Variants in AAGAB observed in about 807,000 individuals in gnomAD.
The protein encoded by AAGAB is alpha and gamma adaptin binding protein, also known as alpha- and gamma-adaptin-binding protein p34.
In AAGAB, 38 loss-of-function variants were observed where a neutral mutation model predicts 44.1. The ratio of observed to expected loss-of-function variants is 0.86; its 90% CI spans 0.67 to 1.13. The LOEUF (loss-of-function observed/expected upper bound fraction) is 1.13. AAGAB is among the 50% of genes most tolerant of loss of function. AAGAB has a pLI of 0.00. For synonymous variants in AAGAB, 131 were observed against 131.8 expected (o/e 0.99, Z 0.04); for missense variants, 450 against 373.8 (o/e 1.20, Z -1.68).
In AAGAB at chr15:67,211,330, G is replaced by GC. The variant is rs544963245; in HGVS notation, c.536-1787dup. On this transcript the variant is annotated intron_variant, in intron 5 of 9. Coordinates refer to ENST00000261880, the MANE Select transcript of AAGAB (RefSeq NM_024666.5). ...TCAGAGGTTCATGTGTACTCCTGGAGCCCCCCTTATCTCCTCATCCAAAGG... is the reference window on the plus strand; with the variant it reads ...TCAGAGGTTCATGTGTACTCCTGGAGCCCCCCCTTATCTCCTCATCCAAAGG... Among the ~76,000 whole-genome samples, 59 of 152,198 alleles carry GC rather than the reference G, an allele frequency of 3.9e-4. 1 individual carries two copies. In the East Asian group the frequency reaches 0.011, roughly 28 times the overall value.
intron 1 of AAGAB, among the ~76,000 whole-genome samples, chr15:67,251,590 G>C (rs916820267): frequency 2.6e-5 from 4 of 152,028 alleles, no homozygotes; most frequent in African/African-American, 9.7e-5. Context: ...CTGTTACTTG[G>C]TTATATTTCC....
At chr15:67,211,678 T>G (rs1015755598) in intron 5 of AAGAB, among the ~76,000 whole-genome samples, 3 of 152,208 alleles carry the variant, frequency 2.0e-5, no homozygotes, top group Non-Finnish European at 4.4e-5. Context: ...GAGCCCTCAC[T>G]TCTATTACTG....
intron 1 of AAGAB, among the ~76,000 whole-genome samples, chr15:67,250,946 G>A (rs574592956): frequency 2.0e-5 from 3 of 152,266 alleles, no homozygotes; most frequent in Admixed American, 6.5e-5. Flanking sequence ...AGAATGGCGC[G>A]AGCCCAGGAG....
At chr15:67,211,252 T>A (rs1963812683) in intron 5 of AAGAB, among the ~76,000 whole-genome samples, 1 of 152,214 alleles carries the variant, frequency 6.6e-6, no homozygotes, top group Non-Finnish European at 1.5e-5. Flanking sequence ...ACTAAGAGGC[T>A]GCTGCTGCCC....
At chr15:67,247,267 G>C (rs564656775) in intron 1 of AAGAB, among the ~76,000 whole-genome samples, 1 of 152,276 alleles carries the variant, frequency 6.6e-6, no homozygotes, top group African/African-American at 2.4e-5. Flanking sequence ...GAACCCACTG[G>C]AAGGAACCAA....
At chr15:67,247,098 C>G (rs1331942213) in intron 1 of AAGAB, among the ~76,000 whole-genome samples, 2 of 152,124 alleles carry the variant, frequency 1.3e-5, no homozygotes, top group Admixed American at 6.5e-5. Context: ...GAGGAACAAA[C>G]AACTCCGGAC....
chr15:67,213,138 A>G (rs1963862106), intron 5 of AAGAB, among the ~76,000 whole-genome samples: 1 of 152,232 alleles, frequency 6.6e-6, no homozygotes, highest in African/African-American at 2.4e-5. Context: ...AGGCACAATT[A>G]GTATGTTAAA....
intron 9 of AAGAB, among the ~76,000 whole-genome samples, chr15:67,203,268 TAAAAC>T (rs1310958500): frequency 2.6e-5 from 4 of 152,138 alleles, no homozygotes; most frequent in Admixed American, 6.5e-5. Context: ...TTGGTAATAA[TAAAAC>T]AAAACAACTA....
At chr15:67,236,892 T>A in intron 1 of AAGAB, 72 bp from the exon 2 acceptor site, 1 of 1,249,552 alleles carries the variant, frequency 8.0e-7, no homozygotes, top group Non-Finnish European at 1.1e-6. Flanking sequence ...CTCAGTCAGA[T>A]ACCAGATAAA....
At chr15:67,231,412 C>A (rs1964332060) in intron 5 of AAGAB, among the ~76,000 whole-genome samples, 1 of 152,222 alleles carries the variant, frequency 6.6e-6, no homozygotes, top group Non-Finnish European at 1.5e-5. Context: ...AGCCATGTTT[C>A]TGATTTTATG....
At chr15:67,253,510 TAGGGCGGCCAA>T (rs1485587312) in intron 1 of AAGAB, among the ~76,000 whole-genome samples, 78 of 152,088 alleles carry the variant, frequency 5.1e-4, no homozygotes, top group Middle Eastern at 6.8e-3. Context: ...TCTCAGCACT[TAGGGCGGCCAA>T]GACAGGAGGA....
At chr15:67,240,480 A>C (rs117044723) in intron 1 of AAGAB, among the ~76,000 whole-genome samples, 1,838 of 152,294 alleles carry the variant, frequency 0.012, 22 homozygotes, top group Non-Finnish European at 0.02. Flanking sequence ...AGAGACAAAC[A>C]CTAGGTGTTT....
At position 67,225,265 on chromosome 15, in the gene AAGAB, T is replaced by A. The variant is rs139068474; in HGVS notation, c.535+6549A>T. 4.6e-5 allele frequency among the ~76,000 whole-genome samples: 7 copies of A among 152,336 alleles called. No individual in the cohort carries two copies. In the East Asian group the frequency reaches 1.3e-3, roughly 29 times the overall value. On this transcript the variant is annotated intron_variant, in intron 5 of 9. Transcript: ENST00000261880. ...TCATATGGCTTTTGTGAGGATTAAA[T>A]AAGATTTTGCACGTATACTATCAGC...
chr15:67,229,221 C>T (rs1964275513), intron 5 of AAGAB, among the ~76,000 whole-genome samples: 1 of 152,144 alleles, frequency 6.6e-6, no homozygotes, highest in Admixed American at 6.5e-5. Context: ...ATCACGAGGT[C>T]AAGAGTTCAA....
At chr15:67,242,586 T>G (rs1567030799) in intron 1 of AAGAB, among the ~76,000 whole-genome samples, 1 of 152,180 alleles carries the variant, frequency 6.6e-6, no homozygotes, top group Non-Finnish European at 1.5e-5. Flanking sequence ...AAAAGGTTAG[T>G]CCCTAAATAC....
At position 67,236,844 on chromosome 15, in the gene AAGAB, C is replaced by T. The variant is rs1015060603; in HGVS notation, c.74-24G>A. The T allele has an allele frequency of 7.6e-6, 12 of 1,570,558 alleles. No homozygotes were observed. In the East Asian group the frequency reaches 2.7e-4, roughly 35 times the overall value. On this transcript the variant is annotated intron_variant, in intron 1 of 9. Transcript: ENST00000261880. ...ATCTAAAAATAAATGACAACATTAC[C>T]ATGTAAAGTGCAAAACCAATATACA...
chr15:67,247,155 T>A (rs1282351994), intron 1 of AAGAB, among the ~76,000 whole-genome samples: 10 of 152,068 alleles, frequency 6.6e-5, no homozygotes, highest in Non-Finnish European at 1.0e-4. Context: ...GTCTGCAGCT[T>A]CACTCCTGAA....
intron 4 of AAGAB, chr15:67,232,459 TA>T: frequency 4.0e-6 from 1 of 252,316 alleles, no homozygotes. Context: ...AATGACATGG[TA>T]ACTATCCAAA....
At chr15:67,209,628 CTTAT>C (rs1215740043) in intron 5 of AAGAB, 84 bp from the exon 6 acceptor site, 6 of 1,092,462 alleles carry the variant, frequency 5.5e-6, no homozygotes, top group Non-Finnish European at 8.3e-6. Context: ...ACAAAGGCTA[CTTAT>C]TTGTTACCAA....
Sources: allele counts gnomAD v4.1 joint callset (sites outside exome capture counted in the v4.1 genomes callset), GRCh38; gene constraint gnomAD v4.1.1; transcripts MANE v1.5; gene names NCBI Gene and HGNC (gene_info 2026-07-23, HGNC 2026-07-21).